ROBO4: variants seen among roughly 807,000 people sequenced by gnomAD.
The protein encoded by ROBO4 is roundabout guidance receptor 4.
A neutral mutation model predicts 103.3 loss-of-function variants in ROBO4; 80 were observed. That is an observed-to-expected ratio of 0.77 (90% confidence interval 0.65 to 0.93). The LOEUF is 0.93. ROBO4 is among the 40% of genes least tolerant of loss of function. The pLI is 0.00. For missense variants in ROBO4, 1,333 were observed against 1,305.3 expected (o/e 1.02, Z -0.33); for synonymous variants, 504 against 529.7 (o/e 0.95, Z 0.67).
chr11:124,887,121 G>T lies in ROBO4; in HGVS notation c.2291C>A (p.Ala764Asp). Reference protein sequence around the residue: ...LSPCSPPSPQASSLSGPSPAS... With the variant: ...LSPCSPPSPQDSSLSGPSPAS... The stretch of plus-strand genomic sequence containing the variant: ...TGGGCTGGGGCCAGAGAGGGAAGAG[G>T]CCTGGGGGCTAGGGGGACTGCAGGG... The change falls in exon 15 of 18, where the codon GCC becomes GAC. Residue 764 changes from alanine (A) to aspartate (D), a missense_variant. By Grantham distance (126) the Ala-to-Asp change is moderately radical (BLOSUM62 -2). Transcript: ENST00000306534. 1 of 1,613,706 alleles carries T rather than the reference G, an allele frequency of 6.2e-7. No homozygotes were observed. The highest frequency in any genetic ancestry group is 1.1e-5 in the South Asian group (1 of 91,066).
chr11:124,896,453 C>T (rs1369489857), intron 3 of ROBO4, 60 bp downstream of exon 3: 3 of 1,597,516 alleles, frequency 1.9e-6, no homozygotes, highest in Admixed American at 1.7e-5. Context: ...GTCAGTCCAT[C>T]AGGGTGTACC....
chr11:124,893,838 T>A (rs761974360), intron 9 of ROBO4, 22 bp downstream of exon 9: 2 of 1,613,020 alleles, frequency 1.2e-6, no homozygotes, highest in South Asian at 1.1e-5. Flanking sequence ...TGTATACATG[T>A]GGGTCCCCCT....
chr11:124,894,502 A>G (rs1009092275), intron 7 of ROBO4, 133 bp from the exon 8 acceptor site: 41 of 803,594 alleles, frequency 5.1e-5, no homozygotes, highest in Non-Finnish European at 7.7e-5. Context: ...CCAATTTCCT[A>G]TTCCCCTCCT....
intron 16 of ROBO4, 65 bp downstream of exon 16, chr11:124,886,399 A>T (rs1312156974): frequency 1.6e-6 from 2 of 1,245,180 alleles, no homozygotes; most frequent in Admixed American, 4.0e-5. Context: ...CAATGATGAC[A>T]TGATAACAGT....
Position 124,891,563 on chromosome 11 carries a change from C to T in ROBO4, c.1685-1G>A, listed in dbSNP as rs147387634. 1 of 1,614,224 alleles carries T rather than the reference C, an allele frequency of 6.2e-7. No individual in the cohort carries two copies. Among genetic ancestry groups the T allele is most frequent in the African/African-American group, 1.3e-5 (1 of 75,056 alleles). ...GGGCTTCGGGAGTCCCAGGAGAGCACTGTGACATAAATGACAGGAGGAATT... is the reference window on the plus strand; with the variant it reads ...GGGCTTCGGGAGTCCCAGGAGAGCATTGTGACATAAATGACAGGAGGAATT... On this transcript the variant is annotated splice_acceptor_variant, in intron 11 of 17. Coordinates refer to ENST00000306534, the MANE Select transcript of ROBO4 (RefSeq NM_019055.6). LOFTEE classifies it high-confidence loss of function.
At chr11:124,886,901 G>T in intron 15 of ROBO4, 76 bp downstream of exon 15, 1 of 1,537,436 alleles carries the variant, frequency 6.5e-7, no homozygotes, top group Admixed American at 2.0e-5. Context: ...CCAGTTGAGG[G>T]AGGGCGGAAT....
rs1946694990 is a variant in ROBO4 at position 124,885,296 on chromosome 11, AG to A, written c.2795-50del. Reference sequence around the variant, plus strand: ...TGTGGGAGGTTGACCTTCAGCCCCTAGGGGCCAGTTTAGTACAGAAAGCTTA... The same window carrying A: ...TGTGGGAGGTTGACCTTCAGCCCCTAGGGCCAGTTTAGTACAGAAAGCTTA... On this transcript the variant is annotated intron_variant, in intron 16 of 17. Coordinates refer to ENST00000306534, the MANE Select transcript of ROBO4 (RefSeq NM_019055.6). The A allele has an allele frequency of 2.6e-6, 4 of 1,523,106 alleles. No individual in the cohort carries two copies. In the African/African-American group the frequency reaches 5.5e-5, roughly 21 times the overall value. 94.3% of individuals were successfully genotyped at this position (1,523,106 alleles called of 1,614,324 possible).
Position 124,895,187 on chromosome 11 carries a change from C to A in ROBO4, c.1043G>T (p.Ser348Ile). The A allele has an allele frequency of 3.7e-6, 6 of 1,613,030 alleles. No individual in the cohort carries two copies. Among genetic ancestry groups the A allele is most frequent in the Non-Finnish European group, 5.1e-6 (6 of 1,179,130 alleles). Residue 348 changes from serine to isoleucine, a missense_variant, in exon 7 of 18, where the codon AGT becomes ATT. Coordinates refer to ENST00000306534, the MANE Select transcript of ROBO4 (RefSeq NM_019055.6). Reference protein sequence around the residue: ...LLLRLPEKVPSAPPQEVTLKP... With the variant: ...LLLRLPEKVPIAPPQEVTLKP... ...TAGAGTCACTTCCTGAGGTGGGGCA[C>A]TGGGCACTGGAGGGGTGGAAGAGAG...
chr11:124,891,160 G>T, intron 12 of ROBO4, 139 bp downstream of exon 12: 1 of 1,058,752 alleles, frequency 9.4e-7, no homozygotes, highest in Non-Finnish European at 1.3e-6. Context: ...GAGGTCTTGT[G>T]TCCACCTGGA....
chr11:124,896,790 C>A (rs1188631988), intron 2 of ROBO4, 120 bp from the exon 3 acceptor site: 26 of 1,510,584 alleles, frequency 1.7e-5, no homozygotes, highest in Non-Finnish European at 2.1e-5. Flanking sequence ...CCAGCCCCGC[C>A]CCAGCTTGCC....
chr11:124,896,441 A>T, intron 3 of ROBO4, 72 bp downstream of exon 3: 1 of 1,589,812 alleles, frequency 6.3e-7, no homozygotes, highest in Non-Finnish European at 8.6e-7. Flanking sequence ...GCTGGACGGC[A>T]GGTCAGTCCA....
intron 12 of ROBO4, among the ~76,000 whole-genome samples, chr11:124,888,680 G>T (rs1309323032): frequency 6.6e-6 from 1 of 152,270 alleles, no homozygotes; most frequent in Non-Finnish European, 1.5e-5. Context: ...ATGGGCAGTG[G>T]AGAGACAGGG....
Position 124,884,937 on chromosome 11 carries a change from C to T in ROBO4, c.3002-24G>A, listed in dbSNP as rs1020145013. On this transcript the variant is annotated intron_variant, in intron 17 of 17. Transcript: ENST00000306534. ...AGCTGAAGGACAGTGGAGTTATCTC[C>T]CTTGCTCCTTATCTCCCTTCCCCAG... 8 of 1,614,020 alleles carry T rather than the reference C, an allele frequency of 5.0e-6. No homozygotes were observed. In the African/African-American group the frequency reaches 9.3e-5, roughly 19 times the overall value.
chr11:124,887,333 G>T (rs751688005), intron 14 of ROBO4, 25 bp downstream of exon 14: 6 of 1,613,730 alleles, frequency 3.7e-6, no homozygotes, highest in Non-Finnish European at 5.1e-6. Context: ...TCCCAGCCCT[G>T]CTTCCCGACC....
At chr11:124,896,154 G>C in intron 4 of ROBO4, 44 bp downstream of exon 4, 1 of 1,606,350 alleles carries the variant, frequency 6.2e-7, no homozygotes, top group Admixed American at 1.7e-5. Context: ...ACCCCAACTG[G>C]AGCCTGCAGC....
rs755432900 is a variant in ROBO4 at position 124,896,222 on chromosome 11, G to A, written c.655C>T (p.Arg219Cys). The change falls in exon 4 of 18, where the codon CGC (arginine) becomes TGC (cysteine). Residue 219 changes from arginine (R) to cysteine (C), a missense_variant. Coordinates refer to ENST00000306534, the MANE Select transcript of ROBO4 (RefSeq NM_019055.6). ...ATNSAGHRES[R>C]AARVSIQEPQ... ...CCCTGGATGGAAACCCGGGCTGCGC[G>A]GCTCTCCCTATGTCCTGCGCTGTTG... 2.8e-5 allele frequency: 45 copies of A among 1,613,970 alleles called. No individual in the cohort carries two copies. The highest frequency in any genetic ancestry group is 1.6e-4 in the Middle Eastern group (1 of 6,084).
Position 124,893,910 on chromosome 11 carries a change from G to A in ROBO4, c.1454C>T (p.Thr485Ile). Residue 485 changes from threonine to isoleucine, a missense_variant, in exon 9 of 18, where the codon ACC (threonine) becomes ATC (isoleucine). Thr to Ile is a moderately conservative substitution (Grantham distance 89, BLOSUM62 -1). Transcript: ENST00000306534. ...GCGCCGGCGGTGGATACACACGGCG[G>A]TGCCCAGAAGCAGCAGCCAGAGTGC... ...GVALWLLLLG[T>I]AVCIHRRRRA... is the part of the protein sequence containing the mutation. 6.2e-7 allele frequency: 1 copy of A among 1,611,906 alleles called. No individual in the cohort carries two copies. Among genetic ancestry groups the A allele is most frequent in the African/African-American group, 1.3e-5 (1 of 74,990 alleles).
At position 124,896,197 on chromosome 11, in the gene ROBO4, C is replaced by A. The variant is rs753955773; in HGVS notation, c.679+1G>T. 6.2e-7 allele frequency: 1 copy of A among 1,613,736 alleles called. No homozygotes were observed. The highest frequency in any genetic ancestry group is 1.7e-5 in the Admixed American group (1 of 60,018). On this transcript the variant is annotated splice_donor_variant, in intron 4 of 17. Transcript: ENST00000306534. LOFTEE classifies it high-confidence loss of function. Reference sequence around the variant, plus strand: ...TGATTGTAGCCCACCCCTGCCCTTACCCTGGATGGAAACCCGGGCTGCGCG... The same window carrying A: ...TGATTGTAGCCCACCCCTGCCCTTAACCTGGATGGAAACCCGGGCTGCGCG...
At chr11:124,887,307 C>A in intron 14 of ROBO4, 51 bp downstream of exon 14, 1 of 1,612,366 alleles carries the variant, frequency 6.2e-7, no homozygotes, top group Non-Finnish European at 8.5e-7. Context: ...GGCACACACT[C>A]CCCACACCCC....
Sources: allele counts gnomAD v4.1 joint callset (sites outside exome capture counted in the v4.1 genomes callset), GRCh38; gene constraint gnomAD v4.1.1; transcripts MANE v1.5; gene names NCBI Gene and HGNC (gene_info 2026-07-23, HGNC 2026-07-21).